RAMP1: variants seen among roughly 807,000 people sequenced by gnomAD.
RAMP1 encodes the protein receptor activity modifying protein 1, also known as receptor activity-modifying protein 1.
A neutral mutation model predicts 8.2 loss-of-function variants in RAMP1; 7 were observed. The ratio of observed to expected loss-of-function variants is 0.85; its 90% CI spans 0.49 to 1.60. The LOEUF (loss-of-function observed/expected upper bound fraction) is 1.60, where lower values mean the gene tolerates loss of function less well. Ranked by LOEUF, RAMP1 falls within the 40% of genes most tolerant of loss-of-function variation. The probability of loss-of-function intolerance (pLI) is 0.00; values close to 1 mark genes in which losing one functional copy is unlikely to be tolerated. For missense variants in RAMP1, 192 were observed against 202.4 expected, an observed-to-expected ratio of 0.95 and a Z score of 0.31; for synonymous variants, 92 against 84.7, an observed-to-expected ratio of 1.09 and a Z score of -0.47.
chr2:237,890,917 C>T (rs1446974571), intron 2 of RAMP1, among the ~76,000 whole-genome samples: 1 of 152,202 alleles, frequency 6.6e-6, no homozygotes, highest in African/African-American at 2.4e-5. Flanking sequence ...CCACACTTTG[C>T]ATCACCGTGT....
Position 237,881,276 on chromosome 2 carries a change from C to T in RAMP1, c.191+3914C>T, listed in dbSNP as rs191732939. Among the ~76,000 whole-genome samples, 51 of 152,328 alleles carry T rather than the reference C, an allele frequency of 3.3e-4. 1 individual carries two copies. Among genetic ancestry groups the T allele is most frequent in the African/African-American group, 6.5e-4 (27 of 41,564 alleles). On this transcript the variant is annotated intron_variant, in intron 2 of 2. Transcript: ENST00000254661. ...TCATTTTTACAGCTGTATAGTACTC[C>T]GCCGTGCAGAGTCTTTCAGCCATTT...
At chr2:237,860,327 T>C (rs1193905901) in intron 1 of RAMP1, among the ~76,000 whole-genome samples, 1 of 152,234 alleles carries the variant, frequency 6.6e-6, no homozygotes, top group Non-Finnish European at 1.5e-5. Context: ...TCGCTTTTTT[T>C]CTTTTTTCTT....
At chr2:237,910,887 A>G (rs1027673653) in intron 2 of RAMP1, among the ~76,000 whole-genome samples, 1 of 152,116 alleles carries the variant, frequency 6.6e-6, no homozygotes, top group African/African-American at 2.4e-5. Context: ...AGTCACACAC[A>G]GTCACACACA....
At chr2:237,875,329 G>A (rs2062291489) in intron 1 of RAMP1, among the ~76,000 whole-genome samples, 1 of 152,100 alleles carries the variant, frequency 6.6e-6, no homozygotes, top group Admixed American at 6.5e-5. Context: ...ACACACCTGT[G>A]CTGTCGGGAA....
chr2:237,889,605 A>G (rs1389150901), intron 2 of RAMP1, among the ~76,000 whole-genome samples: 4 of 152,110 alleles, frequency 2.6e-5, no homozygotes, highest in African/African-American at 9.7e-5. Context: ...TTTCATTTTC[A>G]TTATATTTTA....
intron 2 of RAMP1, among the ~76,000 whole-genome samples, chr2:237,886,178 A>T (rs2062430852): frequency 6.6e-6 from 1 of 152,046 alleles, no homozygotes. Flanking sequence ...AGAGTGGGGC[A>T]GTGGCTGGGG....
intron 2 of RAMP1, among the ~76,000 whole-genome samples, chr2:237,887,775 C>CA (rs755253702): frequency 6.6e-6 from 1 of 152,078 alleles, no homozygotes; most frequent in South Asian, 2.1e-4. Flanking sequence ...CAGGTATCTA[C>CA]AAAAAATGTA....
rs761644796 is a variant in RAMP1, at chr2:237,877,321, C to T, written c.150C>T (p.Ala50=). Residue 50 remains alanine, a synonymous_variant, in exon 2 of 3, where the codon GCC becomes GCT. Transcript: ENST00000254661. The surrounding 1 kb of genome is among the most constrained non-coding windows in gnomAD (Gnocchi z 4.4). ...CCCAGTTCCAGGTAGACATGGAGGC[C>T]GTCGGGGAGACGCTGTGGTGTGACT... ...CLTQFQVDME[A]VGETLWCDWG... is the part of the protein sequence containing the mutation. 1.9e-5 allele frequency: 30 copies of T among 1,613,834 alleles called. No homozygotes were observed. The African/African-American group carries it at 2.0e-4, about 11-fold the overall frequency.
intron 2 of RAMP1, among the ~76,000 whole-genome samples, chr2:237,905,629 C>T (rs952379836): frequency 6.6e-6 from 1 of 152,216 alleles, no homozygotes; most frequent in African/African-American, 2.4e-5. Flanking sequence ...TGTTCAGGAT[C>T]ATGTGTCACT....
At chr2:237,896,821 CTT>C (rs34589444) in intron 2 of RAMP1, among the ~76,000 whole-genome samples, 1 of 152,074 alleles carries the variant, frequency 6.6e-6, no homozygotes, top group Non-Finnish European at 1.5e-5. Context: ...AACTTTTAAA[CTT>C]TGTGTAGAGA....
At position 237,862,508 on chromosome 2, in the gene RAMP1, A is replaced by G. The variant is rs1047742013; in HGVS notation, c.52+2781A>G. ...ATGTTTTAGGTGGAATCTTTAGTTA[A>G]GGCTAGTTGGAAAAGTCTGTCCTGA... On this transcript the variant is annotated intron_variant, in intron 1 of 2. Transcript: ENST00000254661. The surrounding 1 kb of genome is among the most constrained non-coding windows in gnomAD (Gnocchi z 4.0). 6.6e-6 allele frequency among the ~76,000 whole-genome samples: 1 copy of G among 152,204 alleles called. No individual in the cohort carries two copies. Among genetic ancestry groups the G allele is most frequent in the African/African-American group, 2.4e-5 (1 of 41,444 alleles).
intron 2 of RAMP1, among the ~76,000 whole-genome samples, chr2:237,899,169 C>T (rs1259461457): frequency 6.6e-6 from 1 of 151,998 alleles, no homozygotes; most frequent in Non-Finnish European, 1.5e-5. Context: ...CTCCCGGGTT[C>T]AAGCAATTCT....
intron 1 of RAMP1, among the ~76,000 whole-genome samples, chr2:237,869,520 T>C (rs2062223857): frequency 6.6e-6 from 1 of 152,216 alleles, no homozygotes; most frequent in African/African-American, 2.4e-5. Flanking sequence ...GAACCTGTAT[T>C]AGTGGAATCA....
At position 237,911,587 on chromosome 2, in the gene RAMP1, G is replaced by A. The variant is rs1411714391; in HGVS notation, c.251G>A (p.Trp84Ter). The change falls in exon 3 of 3, where the codon TGG (tryptophan) becomes TAG (stop). Residue 84 changes from tryptophan (W) to a stop codon, truncating the protein, a stop_gained. Coordinates refer to ENST00000254661, the MANE Select transcript of RAMP1 (RefSeq NM_005855.4). LOFTEE classifies it low-confidence loss of function (END_TRUNC). ...ATGGCGGAGAAGCTGGGCTGCTTCTGGCCCAATGCAGAGGTGGACAGGTTC... is the reference window on the plus strand; with the variant it reads ...ATGGCGGAGAAGCTGGGCTGCTTCTAGCCCAATGCAGAGGTGGACAGGTTC... The part of the protein sequence containing the change: ...WHMAEKLGCF[W>*]PNAEVDRFFL... 3 of 1,614,176 alleles carry A rather than the reference G, an allele frequency of 1.9e-6. No individual in the cohort carries two copies. The South Asian group carries it at 3.3e-5, about 18-fold the overall frequency.
chr2:237,871,522 C>T (rs548373275), intron 1 of RAMP1, among the ~76,000 whole-genome samples: 88 of 152,274 alleles, frequency 5.8e-4, no homozygotes, highest in Non-Finnish European at 1.1e-3. Context: ...GGGCCCTGTT[C>T]AGGAGAGCTA....
intron 2 of RAMP1, among the ~76,000 whole-genome samples, chr2:237,891,405 C>T (rs2151016103): frequency 6.6e-6 from 1 of 152,348 alleles, no homozygotes; most frequent in African/African-American, 2.4e-5. Context: ...CTGCCTCGGC[C>T]TCCCAAAGTG....
intron 2 of RAMP1, among the ~76,000 whole-genome samples, chr2:237,902,536 T>TCACC (rs2062612605): frequency 6.6e-6 from 1 of 150,424 alleles, no homozygotes; most frequent in African/African-American, 2.4e-5. Flanking sequence ...GCACCCCCAC[T>TCACC]CACCCTTCCA....
intron 2 of RAMP1, among the ~76,000 whole-genome samples, chr2:237,880,139 T>TA (rs1174543618): frequency 3.9e-5 from 6 of 152,100 alleles, no homozygotes; most frequent in Non-Finnish European, 8.8e-5. Flanking sequence ...TGTCCATGCG[T>TA]AATTCCTGGA....
At chr2:237,900,679 A>G (rs1048207087) in intron 2 of RAMP1, among the ~76,000 whole-genome samples, 22 of 152,214 alleles carry the variant, frequency 1.4e-4, no homozygotes, top group African/African-American at 4.1e-4. Context: ...TGTTCTCTTA[A>G]TATTTTGTAA....
Sources: gnomAD v4.1 joint callset for allele counts (sites outside exome capture counted in the v4.1 genomes callset) on GRCh38, gnomAD v4.1.1 for gene constraint, Gnocchi (gnomAD v3.1) non-coding constraint, MANE v1.5 for transcripts, NCBI Gene and HGNC (gene_info 2026-07-23, HGNC 2026-07-21) for gene names.